NELL1: variants seen among roughly 807,000 people sequenced by gnomAD.
NELL1 encodes the protein protein kinase C-binding protein NELL1.
In NELL1, 76 loss-of-function variants were observed where a neutral mutation model predicts 107.4. The ratio of observed to expected loss-of-function variants is 0.71; its 90% CI spans 0.59 to 0.86. The LOEUF is 0.86. Ranked by LOEUF, NELL1 falls within the 40% of genes least tolerant of loss-of-function variation. The pLI, the probability that NELL1 is intolerant of heterozygous loss-of-function variation, is 0.00. For synonymous variants in NELL1, 353 were observed against 341.2 expected (o/e 1.03, Z -0.38); for missense variants, 1,024 against 1,005.5 (o/e 1.02, Z -0.25).
At chr11:20,894,241 G>A (rs945625227) in intron 5 of NELL1, among the ~76,000 whole-genome samples, 1 of 152,184 alleles carries the variant, frequency 6.6e-6, no homozygotes. Context: ...TAAATAAGAT[G>A]TAAGAAATAA....
At chr11:21,327,353 AT>A (rs1170131408) in intron 14 of NELL1, among the ~76,000 whole-genome samples, 4 of 151,494 alleles carry the variant, frequency 2.6e-5, no homozygotes, top group African/African-American at 7.3e-5. Flanking sequence ...AAAAAAAAAA[AT>A]CTGATGGTTT....
At chr11:21,489,404 A>AAAAACAAAAC (rs1554922050) in intron 15 of NELL1, among the ~76,000 whole-genome samples, 1 of 137,200 alleles carries the variant, frequency 7.3e-6, no homozygotes, top group African/African-American at 3.0e-5. Context: ...AAAAAAAAAA[A>AAAAACAAAAC]AAAACAGAAG....
At chr11:21,500,978 A>G (rs575380442) in intron 15 of NELL1, among the ~76,000 whole-genome samples, 1 of 152,148 alleles carries the variant, frequency 6.6e-6, no homozygotes, top group East Asian at 1.9e-4. Flanking sequence ...TAGGTATTTT[A>G]CTGATTGTAG....
intron 14 of NELL1, among the ~76,000 whole-genome samples, chr11:21,249,850 C>T (rs1250673687): frequency 3.3e-5 from 5 of 152,030 alleles, no homozygotes; most frequent in Non-Finnish European, 4.4e-5. Context: ...AAGGAAAGTC[C>T]AGAAGAAACT....
chr11:21,528,287 C>T (rs138883764), intron 15 of NELL1, among the ~76,000 whole-genome samples: 15 of 152,240 alleles, frequency 9.9e-5, no homozygotes, highest in African/African-American at 3.4e-4. Context: ...TTTGTTCCCA[C>T]CAAAATTCAT....
intron 13 of NELL1, among the ~76,000 whole-genome samples, chr11:21,180,083 G>A (rs1856797351): frequency 7.4e-6 from 1 of 135,734 alleles, no homozygotes; most frequent in Non-Finnish European, 1.6e-5. Context: ...GGGTGGGCGG[G>A]GGGCTCTGGA....
At chr11:21,364,410 C>CAAAAAAAAAAAAA (rs71034511) in intron 14 of NELL1, among the ~76,000 whole-genome samples, 13 of 75,618 alleles carry the variant, frequency 1.7e-4, no homozygotes, top group African/African-American at 9.9e-4. Flanking sequence ...GACTCTGTCT[C>CAAAAAAAAAAAAA]AAAAAAAAAA....
intron 10 of NELL1, among the ~76,000 whole-genome samples, chr11:20,939,608 T>A (rs1564977238): frequency 6.6e-6 from 1 of 152,166 alleles, no homozygotes; most frequent in Non-Finnish European, 1.5e-5. Flanking sequence ...GACCCCTTTA[T>A]CCTCTGTGTA....
chr11:21,290,739 C>A (rs1849238519), intron 14 of NELL1, among the ~76,000 whole-genome samples: 1 of 152,330 alleles, frequency 6.6e-6, no homozygotes, highest in East Asian at 1.9e-4. Flanking sequence ...TCCAGCAGAC[C>A]TGCTGCAGAG....
chr11:21,393,217 A>G lies in NELL1; in HGVS notation c.1645+22269A>G, dbSNP rs547003127. Among the ~76,000 whole-genome samples the G allele has an allele frequency of 1.6e-4, 24 of 151,798 alleles. 1 individual carries two copies. In the South Asian group the frequency reaches 4.4e-3, roughly 28 times the overall value. ...GAGATCAGTCTTATTTAACAACTTC[A>G]TTAATGATCTGGAAAGAGAATTCAA... On this transcript the variant is annotated intron_variant, in intron 15 of 19. Coordinates refer to ENST00000357134, the MANE Select transcript of NELL1 (RefSeq NM_006157.5).
intron 17 of NELL1, among the ~76,000 whole-genome samples, chr11:21,570,317 A>G (rs559186607): frequency 6.6e-6 from 1 of 151,952 alleles, no homozygotes; most frequent in South Asian, 2.1e-4. Context: ...AATTTTCTGT[A>G]TAAAGGGCAT....
intron 14 of NELL1, among the ~76,000 whole-genome samples, chr11:21,334,263 C>CT (rs1158025581): frequency 2.0e-5 from 3 of 151,906 alleles, no homozygotes; most frequent in Non-Finnish European, 4.4e-5. Flanking sequence ...GGCCAGGAGT[C>CT]TAAAACTATT....
At position 20,689,984 on chromosome 11, in the gene NELL1, G is replaced by A. The variant is rs556545851; in HGVS notation, c.184+11924G>A. On this transcript the variant is annotated intron_variant, in intron 2 of 19. Transcript: ENST00000357134. ...CTTTTTAATGATAGCCATTCTAACT[G>A]GTGTGAGATGGTATCTCATTGTGGT... is the stretch of plus-strand genomic sequence containing the variant. 3.3e-5 allele frequency among the ~76,000 whole-genome samples: 5 copies of A among 151,816 alleles called. No homozygotes were observed. In the South Asian group the frequency reaches 1.0e-3, roughly 32 times the overall value.
intron 15 of NELL1, among the ~76,000 whole-genome samples, chr11:21,377,794 A>G (rs950944719): frequency 1.3e-5 from 2 of 151,976 alleles, no homozygotes; most frequent in African/African-American, 4.8e-5. Flanking sequence ...GAATTCATCC[A>G]TTTCCTCTAG....
chr11:20,745,668 A>G (rs917756721), intron 2 of NELL1, among the ~76,000 whole-genome samples: 5 of 152,164 alleles, frequency 3.3e-5, no homozygotes, highest in African/African-American at 1.2e-4. Context: ...CCATTTACTC[A>G]TGCAATTAAT....
At chr11:21,520,775 C>T (rs559876260) in intron 15 of NELL1, among the ~76,000 whole-genome samples, 1 of 152,330 alleles carries the variant, frequency 6.6e-6, no homozygotes, top group East Asian at 1.9e-4. Context: ...CTCCTTACCT[C>T]ATGCTGACCT....
chr11:20,703,614 C>A (rs149394386), intron 2 of NELL1, among the ~76,000 whole-genome samples: 5,346 of 152,230 alleles, frequency 0.035, 319 homozygotes, highest in African/African-American at 0.12. Context: ...AATTTTAGAT[C>A]TTTCCTGCTT....
intron 3 of NELL1, among the ~76,000 whole-genome samples, chr11:20,794,101 C>A (rs994199552): frequency 1.3e-5 from 2 of 152,122 alleles, no homozygotes; most frequent in African/African-American, 4.8e-5. Flanking sequence ...TTGTAATTAT[C>A]ATTTTTTCAT....
intron 12 of NELL1, among the ~76,000 whole-genome samples, chr11:21,014,311 T>C (rs769530142): frequency 6.6e-6 from 1 of 152,124 alleles, no homozygotes; most frequent in Non-Finnish European, 1.5e-5. Flanking sequence ...ATAGAAATTC[T>C]TGGGGTAGAG....
Sources: gnomAD v4.1 joint callset for allele counts (sites outside exome capture counted in the v4.1 genomes callset) on GRCh38, gnomAD v4.1.1 for gene constraint, MANE v1.5 for transcripts, NCBI Gene and HGNC (gene_info 2026-07-23, HGNC 2026-07-21) for gene names.